RBFOX1: variants seen among roughly 807,000 people sequenced by gnomAD.
RBFOX1 encodes RNA binding protein fox-1 homolog 1.
A neutral mutation model predicts 57.7 loss-of-function variants in RBFOX1; 8 were observed. The ratio of observed to expected loss-of-function variants is 0.14; its 90% CI spans 0.08 to 0.25. The LOEUF (loss-of-function observed/expected upper bound fraction) is 0.25, where lower values mean the gene tolerates loss of function less well. Among genes scored for constraint, RBFOX1 ranks in the 10% least tolerant of loss-of-function variants. The probability of loss-of-function intolerance (pLI) is 1.00; values close to 1 mark genes in which losing one functional copy is unlikely to be tolerated. For synonymous variants in RBFOX1, 326 were observed against 222.4 expected (o/e 1.47, Z -4.15); for missense variants, 611 against 548.5 (o/e 1.11, Z -1.14).
In RBFOX1 at chr16:7,579,801, G is replaced by A. The variant is rs774467606; in HGVS notation, c.295G>A (p.Asp99Asn). Residue 99 changes from aspartate to asparagine, a missense_variant, in exon 6 of 16, where the codon GAT (aspartate) becomes AAT (asparagine). Asp to Asn is a conservative substitution (Grantham distance 23). Around this residue, in one of 3 missense-constraint regions of RBFOX1, gnomAD observed 245 missense variants for 159.1 expected, o/e 1.54. Coordinates refer to ENST00000550418, the MANE Select transcript of RBFOX1 (RefSeq NM_018723.4). ...GCAGACAGATGACGCAGCACCGACGGATGGCCAGCCCCAGACACAACCTTC... is the reference window on the plus strand; with the variant it reads ...GCAGACAGATGACGCAGCACCGACGAATGGCCAGCCCCAGACACAACCTTC... ...ATQTDDAAPTDGQPQTQPSEN... is the reference protein window; with the variant it reads ...ATQTDDAAPTNGQPQTQPSEN... 8 of 1,613,946 alleles carry A rather than the reference G, an allele frequency of 5.0e-6. No individual in the cohort carries two copies. In the Admixed American group the frequency reaches 1.3e-4, roughly 27 times the overall value.
At chr16:7,457,302 C>G (rs1011133237) in intron 4 of RBFOX1, among the ~76,000 whole-genome samples, 4 of 152,134 alleles carry the variant, frequency 2.6e-5, no homozygotes, top group African/African-American at 9.7e-5. Context: ...ACACTATCTT[C>G]CGATCTGTGT....
In RBFOX1 at chr16:6,019,579, C is replaced by G. The variant is rs1016570163; in HGVS notation, c.-540C>G. Reference sequence around the variant, plus strand: ...GCGGCACTGGCTGGACCCACGCGCGCGCCTCCGGGGCTGAAGAAGGAAGGA... The same window carrying G: ...GCGGCACTGGCTGGACCCACGCGCGGGCCTCCGGGGCTGAAGAAGGAAGGA... On this transcript the variant is annotated 5_prime_UTR_variant, in exon 1 of 16. Coordinates refer to ENST00000550418, the MANE Select transcript of RBFOX1 (RefSeq NM_018723.4). The surrounding 1 kb of genome is among the most constrained non-coding windows in gnomAD (Gnocchi z 4.2). The G allele has an allele frequency of 7.7e-6, 9 of 1,176,026 alleles. No individual in the cohort carries two copies. Among genetic ancestry groups the G allele is most frequent in the East Asian group, 3.7e-5 (1 of 26,742 alleles). 72.8% of individuals were successfully genotyped at this position (1,176,026 alleles called of 1,614,324 possible).
intron 1 of RBFOX1, among the ~76,000 whole-genome samples, chr16:6,096,556 C>G (rs1229760995): frequency 6.6e-6 from 1 of 152,132 alleles, no homozygotes; most frequent in Non-Finnish European, 1.5e-5. Flanking sequence ...ATTCTCTACT[C>G]CTATGATGGC....
chr16:6,635,753 T>G (rs2098426095), intron 2 of RBFOX1, among the ~76,000 whole-genome samples: 1 of 152,164 alleles, frequency 6.6e-6, no homozygotes, highest in Admixed American at 6.5e-5. Flanking sequence ...TTTTATTTAT[T>G]TTACCCAACA....
chr16:7,267,393 A>G (rs1288966048), intron 4 of RBFOX1, among the ~76,000 whole-genome samples: 1 of 150,160 alleles, frequency 6.7e-6, no homozygotes, highest in African/African-American at 2.5e-5. Flanking sequence ...AAAATTAGTC[A>G]GATGTGGTGG....
intron 3 of RBFOX1, among the ~76,000 whole-genome samples, chr16:6,727,699 A>G (rs926041987): frequency 5.3e-5 from 8 of 152,150 alleles, no homozygotes; most frequent in African/African-American, 1.9e-4. Context: ...TGTCCCTGGT[A>G]CACCTATCAA....
chr16:7,651,972 T>G (rs1597340210), intron 11 of RBFOX1, among the ~76,000 whole-genome samples: 1 of 151,930 alleles, frequency 6.6e-6, no homozygotes, highest in Non-Finnish European at 1.5e-5. Context: ...GAAAAGTGGT[T>G]TGCTGACTCT....
intron 13 of RBFOX1, among the ~76,000 whole-genome samples, chr16:7,669,463 A>G (rs1401345584): frequency 6.6e-6 from 1 of 152,236 alleles, no homozygotes; most frequent in African/African-American, 2.4e-5. Context: ...AGCAGAGAGA[A>G]AGAGTGAGAG....
chr16:6,081,724 A>G (rs1223789916), intron 1 of RBFOX1, among the ~76,000 whole-genome samples: 4 of 152,214 alleles, frequency 2.6e-5, no homozygotes, highest in Non-Finnish European at 4.4e-5. Flanking sequence ...GGAAGAAGGT[A>G]TCTAGCAATA....
chr16:6,961,274 C>G (rs565309400), intron 3 of RBFOX1, among the ~76,000 whole-genome samples: 1 of 152,202 alleles, frequency 6.6e-6, no homozygotes, highest in African/African-American at 2.4e-5. Flanking sequence ...GGAGACCCCA[C>G]CAGAGGAGAG....
chr16:7,651,804 C>G (rs2065120961), intron 11 of RBFOX1, among the ~76,000 whole-genome samples: 1 of 152,216 alleles, frequency 6.6e-6, no homozygotes, highest in Non-Finnish European at 1.5e-5. Flanking sequence ...TTTGCTGTGG[C>G]TCTCCTGGGA....
intron 2 of RBFOX1, among the ~76,000 whole-genome samples, chr16:6,412,527 C>T (rs2093492071): frequency 6.6e-6 from 1 of 152,170 alleles, no homozygotes; most frequent in African/African-American, 2.4e-5. Context: ...TTTGAGTTAT[C>T]AAATGGAAAC....
chr16:5,485,399 T>C (rs1345503085), intron 2 of RBFOX1, among the ~76,000 whole-genome samples: 2 of 128,658 alleles, frequency 1.6e-5, no homozygotes, highest in Admixed American at 8.0e-5. Context: ...CTCAACGGAA[T>C]AGGACTCTCC....
intron 1 of RBFOX1, among the ~76,000 whole-genome samples, chr16:5,465,063 G>A (rs1476681445): frequency 1.3e-5 from 2 of 152,176 alleles, no homozygotes; most frequent in African/African-American, 2.4e-5. Flanking sequence ...AGCCATATCT[G>A]CCTGGGTGTG....
chr16:7,225,635 G>A (rs985385349), intron 4 of RBFOX1, among the ~76,000 whole-genome samples: 3 of 151,510 alleles, frequency 2.0e-5, no homozygotes, highest in African/African-American at 7.3e-5. Flanking sequence ...AGCTGTGGTG[G>A]CAATGGATGA....
chr16:7,215,775 A>G (rs1175751778), intron 4 of RBFOX1, among the ~76,000 whole-genome samples: 1 of 133,898 alleles, frequency 7.5e-6, no homozygotes, highest in African/African-American at 3.0e-5. Context: ...TCCAGGCGGG[A>G]GTGCAGTGGC....
intron 4 of RBFOX1, among the ~76,000 whole-genome samples, chr16:5,969,291 G>C (rs544383942): frequency 1.5e-5 from 2 of 136,172 alleles, no homozygotes; most frequent in Non-Finnish European, 1.6e-5. Context: ...GATTATTTTC[G>C]GTTGTTCTTT....
intron 3 of RBFOX1, among the ~76,000 whole-genome samples, chr16:7,009,301 C>A (rs1334418632): frequency 6.7e-6 from 1 of 148,312 alleles, no homozygotes; most frequent in African/African-American, 2.5e-5. Context: ...CTCTCTGTCT[C>A]TTCCTTCTTT....
At chr16:5,955,225 G>A (rs1388489078) in intron 4 of RBFOX1, among the ~76,000 whole-genome samples, 4 of 145,296 alleles carry the variant, frequency 2.8e-5, no homozygotes, top group East Asian at 4.1e-4. Context: ...AGGCTGTAGT[G>A]AGCCAAGATT....
Sources: allele counts gnomAD v4.1 joint callset (sites outside exome capture counted in the v4.1 genomes callset), GRCh38; gene constraint gnomAD v4.1.1; regional missense constraint gnomAD v4.1.1; non-coding constraint Gnocchi (gnomAD v3.1); transcripts MANE v1.5; gene names NCBI Gene and HGNC (gene_info 2026-07-23, HGNC 2026-07-21).